MRPL47: variants seen among roughly 807,000 people sequenced by gnomAD.
MRPL47 encodes the protein mitochondrial ribosomal protein L47.
A neutral mutation model predicts 34.0 loss-of-function variants in MRPL47; 31 were observed. The observed-to-expected ratio is 0.91, with a 90% CI of 0.68 to 1.23. The LOEUF is 1.23. Among genes scored for constraint, MRPL47 ranks in the 50% most tolerant of loss-of-function variants. The pLI is 0.00. For synonymous variants in MRPL47, 106 were observed against 101.6 expected (o/e 1.04, Z -0.26); for missense variants, 328 against 285.8 (o/e 1.15, Z -1.07).
chr3:179,604,646 C>T, upstream of MRPL47: 4 of 1,613,876 alleles, frequency 2.5e-6, no homozygotes, highest in Non-Finnish European at 3.4e-6. Context: ...ACTGGCAAAA[C>T]GCGTTTCCGC....
At chr3:179,593,937 C>T (rs1293823789) in intron 4 of MRPL47, 42 bp from the exon 5 acceptor site, 2 of 1,573,416 alleles carry the variant, frequency 1.3e-6, no homozygotes, top group Non-Finnish European at 1.7e-6. Context: ...CAATCATCTA[C>T]TACAAAATTC....
chr3:179,597,153 G>A (rs1718806058), intron 4 of MRPL47, among the ~76,000 whole-genome samples: 1 of 152,088 alleles, frequency 6.6e-6, no homozygotes, highest in Non-Finnish European at 1.5e-5. Context: ...TACTATTCTT[G>A]TAATTTTTCT....
At chr3:179,602,908 A>C in intron 1 of MRPL47, 111 bp from the exon 2 acceptor site, 1 of 919,114 alleles carries the variant, frequency 1.1e-6, no homozygotes, top group Non-Finnish European at 1.6e-6. Context: ...ACATTTTAAA[A>C]AGCTACTCAG....
chr3:179,600,465 ACC>A (rs1718901328), intron 3 of MRPL47, among the ~76,000 whole-genome samples: 1 of 151,942 alleles, frequency 6.6e-6, no homozygotes, highest in Admixed American at 6.6e-5. Flanking sequence ...ATGTGGTGAA[ACC>A]CCATCTCTAC....
intron 2 of MRPL47, 115 bp downstream of exon 2, chr3:179,602,537 A>G: frequency 1.7e-6 from 1 of 597,366 alleles, no homozygotes; most frequent in Non-Finnish European, 2.8e-6. Context: ...AAACTGAAAA[A>G]GGAAACATCT....
intron 4 of MRPL47, among the ~76,000 whole-genome samples, chr3:179,595,057 G>GT (rs1718763084): frequency 3.3e-5 from 5 of 151,986 alleles, no homozygotes; most frequent in South Asian, 4.2e-4. Context: ...TTTTGTTTTT[G>GT]TTTTTTGAGA....
At chr3:179,604,258 T>C (rs900125725) in intron 1 of MRPL47, among the ~76,000 whole-genome samples, 1 of 152,212 alleles carries the variant, frequency 6.6e-6, no homozygotes, top group African/African-American at 2.4e-5. Flanking sequence ...TCTGTACTTA[T>C]AGATGTATTT....
Position 179,588,300 on chromosome 3 carries a change from AC to A in MRPL47, c.*571del, listed in dbSNP as rs1718573969. On this transcript the variant is annotated 3_prime_UTR_variant, in exon 7 of 7. Coordinates refer to ENST00000476781, the MANE Select transcript of MRPL47 (RefSeq NM_020409.3). Reference sequence around the variant, plus strand: ...TCCAACTCTGTTTAGTGTATTAATTACCAGTGGATTGGTAGAACTGCTTTTT... The same window carrying A: ...TCCAACTCTGTTTAGTGTATTAATTACAGTGGATTGGTAGAACTGCTTTTT... The A allele has an allele frequency of 7.1e-6, 2 of 281,388 alleles. No homozygotes were observed. Among genetic ancestry groups the A allele is most frequent in the South Asian group, 1.7e-4 (2 of 11,580 alleles). The allele number at this position is 281,388 out of a possible 1,614,324, so 17.4% of individuals were successfully genotyped here.
chr3:179,592,451 C>A (rs980602083), intron 6 of MRPL47, among the ~76,000 whole-genome samples, 193 bp downstream of exon 6: 1 of 152,188 alleles, frequency 6.6e-6, no homozygotes, highest in Non-Finnish European at 1.5e-5. Flanking sequence ...ACCTCGGCCT[C>A]CCAAAGTGCT....
chr3:179,596,630 C>T (rs1718795112), intron 4 of MRPL47, among the ~76,000 whole-genome samples: 1 of 152,176 alleles, frequency 6.6e-6, no homozygotes, highest in Admixed American at 6.5e-5. Flanking sequence ...CTTTATAAAG[C>T]ATCCTTACTT....
At chr3:179,601,298 C>T (rs1311329559) in intron 3 of MRPL47, among the ~76,000 whole-genome samples, 1 of 152,046 alleles carries the variant, frequency 6.6e-6, no homozygotes, top group Non-Finnish European at 1.5e-5. Context: ...GTCCCAGATA[C>T]TCAGGAGGCT....
chr3:179,598,372 CAG>C (rs142825080), intron 4 of MRPL47, among the ~76,000 whole-genome samples: 2,713 of 129,990 alleles, frequency 0.021, 42 homozygotes, highest in South Asian at 0.082. Flanking sequence ...CTGGGGGCGA[CAG>C]AGTGAGACCC....
chr3:179,590,507 A>C (rs1200340946), intron 6 of MRPL47, among the ~76,000 whole-genome samples: 1 of 152,182 alleles, frequency 6.6e-6, no homozygotes, highest in Non-Finnish European at 1.5e-5. Flanking sequence ...GCAAAGATTT[A>C]AAAGCTGTAG....
intron 6 of MRPL47, 58 bp downstream of exon 6, chr3:179,592,586 T>G (rs1718700858): frequency 2.0e-6 from 2 of 1,017,880 alleles, no homozygotes; most frequent in Non-Finnish European, 3.1e-6. Flanking sequence ...GTATGATATA[T>G]GACCATATGT....
chr3:179,594,889 T>A (rs1261846064), intron 4 of MRPL47, among the ~76,000 whole-genome samples: 7 of 152,212 alleles, frequency 4.6e-5, no homozygotes, highest in Non-Finnish European at 7.3e-5. Flanking sequence ...TTTATGTGTA[T>A]GTCCCTTAAG....
intron 6 of MRPL47, among the ~76,000 whole-genome samples, chr3:179,592,396 A>G (rs1229372878): frequency 1.3e-5 from 2 of 150,790 alleles, no homozygotes; most frequent in African/African-American, 2.4e-5. Flanking sequence ...GGGTTTCACC[A>G]TGTTAGCCGG....
At chr3:179,593,619 A>C (rs1468348777) in intron 5 of MRPL47, 146 bp downstream of exon 5, 4 of 625,004 alleles carry the variant, frequency 6.4e-6, no homozygotes, top group Non-Finnish European at 7.5e-6. Flanking sequence ...TTAAAGTCCA[A>C]AGGGGTGTGG....
At chr3:179,602,597 G>GATCT in intron 2 of MRPL47, 55 bp downstream of exon 2, 1 of 694,632 alleles carries the variant, frequency 1.4e-6, no homozygotes, top group South Asian at 2.1e-5. Flanking sequence ...GTTGGGCGGG[G>GATCT]CGGGGGGGGG....
chr3:179,593,773 T>C lies in MRPL47; in HGVS notation c.525A>G (p.Arg175=), dbSNP rs750781788. 4.3e-6 allele frequency: 7 copies of C among 1,613,452 alleles called. No individual in the cohort carries two copies. The South Asian group carries it at 6.6e-5, about 15-fold the overall frequency. The change falls in exon 5 of 7, where the codon AGA becomes AGG. Residue 175 remains arginine (R), a synonymous_variant. Coordinates refer to ENST00000476781, the MANE Select transcript of MRPL47 (RefSeq NM_020409.3). ...PGAWRRDIFG[R]IIWHKFKQWV... ...CAGTGTTAACTACATACCAGATGAT[T>C]CTTCCAAAGATGTCTCTTCTCCAAG...
Sources: gnomAD v4.1 joint callset for allele counts (sites outside exome capture counted in the v4.1 genomes callset) on GRCh38, gnomAD v4.1.1 for gene constraint, MANE v1.5 for transcripts, NCBI Gene and HGNC (gene_info 2026-07-23, HGNC 2026-07-21) for gene names.